The following SNRNP200 variants were observed in gnomAD, a reference collection of about 807,000 sequenced individuals.
SNRNP200 encodes the protein small nuclear ribonucleoprotein U5 subunit 200.
A neutral mutation model predicts 255.2 loss-of-function variants in SNRNP200; 66 were observed. The ratio of observed to expected loss-of-function variants is 0.26; its 90% CI spans 0.21 to 0.32. SNRNP200 has a LOEUF of 0.32. Ranked by LOEUF, SNRNP200 falls within the 10% of genes least tolerant of loss-of-function variation. The probability of loss-of-function intolerance (pLI) is 1.00; values close to 1 mark genes in which losing one functional copy is unlikely to be tolerated. For missense variants in SNRNP200, 1,585 were observed against 2,749.8 expected (o/e 0.58, Z 9.47); for synonymous variants, 939 against 1,027.8 (o/e 0.91, Z 1.65).
At chr2:96,305,366 G>A in intron 1 of SNRNP200, 27 bp downstream of exon 1, 4 of 1,614,048 alleles carry the variant, frequency 2.5e-6, no homozygotes, top group Non-Finnish European at 3.4e-6. Flanking sequence ...TCCTGAGCCT[G>A]GAATCCTTCC....
Position 96,279,905 on chromosome 2 carries a change from T to C in SNRNP200, c.5025-346A>G, listed in dbSNP as rs1479050534. The C allele has an allele frequency of 1.6e-5, 5 of 322,330 alleles. No homozygotes were observed. In the East Asian group the frequency reaches 2.5e-4, roughly 16 times the overall value. 20.0% of individuals were successfully genotyped at this position (322,330 alleles called of 1,614,324 possible). On this transcript the variant is annotated intron_variant, in intron 35 of 44. Coordinates refer to ENST00000323853, the MANE Select transcript of SNRNP200 (RefSeq NM_014014.5). ...CTCCTTTAATTAAAAAAAATTATTA[T>C]TGTTTTTATTTGTTTTTTGATACAG...
At position 96,286,758 on chromosome 2, in the gene SNRNP200, T is replaced by C. The variant is rs1330131126; in HGVS notation, c.3759A>G (p.Thr1253=). The C allele has an allele frequency of 3.1e-6, 5 of 1,614,158 alleles. No individual in the cohort carries two copies. The highest frequency in any genetic ancestry group is 2.2e-5 in the East Asian group (1 of 44,886). The change falls in exon 28 of 45, where the codon ACA becomes ACG. Residue 1253 remains threonine, a synonymous_variant. Transcript: ENST00000323853. This position sits in a 1 kb window ranked among gnomAD's most constrained non-coding sequence, Gnocchi z 4.8. Reference sequence around the variant, plus strand: ...GCGGTTCAAAGACAGGCACGAAGAATGTAATGAGGTGCTCGTCCTGGGCGT... The same window carrying C: ...GCGGTTCAAAGACAGGCACGAAGAACGTAATGAGGTGCTCGTCCTGGGCGT... ...AKYAQDEHLI[T]FFVPVFEPLP... is the part of the protein sequence containing the mutation.
At position 96,283,167 on chromosome 2, in the gene SNRNP200, C is replaced by G; in HGVS notation, c.4915+34G>C. 6.2e-7 allele frequency: 1 copy of G among 1,612,718 alleles called. No homozygotes were observed. Among genetic ancestry groups the G allele is most frequent in the Non-Finnish European group, 8.5e-7 (1 of 1,179,978 alleles). On this transcript the variant is annotated intron_variant, in intron 34 of 44. Coordinates refer to ENST00000323853, the MANE Select transcript of SNRNP200 (RefSeq NM_014014.5). The surrounding 1 kb of genome is among the most constrained non-coding windows in gnomAD (Gnocchi z 4.7). ...GTTTAACACCACCACTTGGTGATACCCTTGCTATGCTCCCCTTCCGTGGCC... is the reference window on the plus strand; with the variant it reads ...GTTTAACACCACCACTTGGTGATACGCTTGCTATGCTCCCCTTCCGTGGCC...
intron 9 of SNRNP200, among the ~76,000 whole-genome samples, 192 bp downstream of exon 9, chr2:96,298,089 TAGC>T: frequency 6.6e-6 from 1 of 152,366 alleles, no homozygotes; most frequent in East Asian, 1.9e-4. Context: ...TGGTGAAAGA[TAGC>T]AGCAGGTCAC....
chr2:96,289,160 A>G, intron 22 of SNRNP200, 43 bp from the exon 23 acceptor site: 1 of 1,613,804 alleles, frequency 6.2e-7, no homozygotes, highest in East Asian at 2.2e-5. Flanking sequence ...CTTGTGGCCG[A>G]GGAGGGACAC....
chr2:96,288,962 A>C, intron 23 of SNRNP200, 75 bp downstream of exon 23: 1 of 1,382,414 alleles, frequency 7.2e-7, no homozygotes, highest in Non-Finnish European at 1.0e-6. Context: ...ACCCAAATTC[A>C]AGGTTCATCT....
At chr2:96,285,500 G>A in intron 29 of SNRNP200, 160 bp from the exon 30 acceptor site, 1 of 759,158 alleles carries the variant, frequency 1.3e-6, no homozygotes, top group African/African-American at 1.7e-5. Flanking sequence ...TCTAACTCCA[G>A]GCCAGCCCTA....
At chr2:96,284,835 C>T (rs1414644789) in intron 30 of SNRNP200, 50 of 543,814 alleles carry the variant, frequency 9.2e-5, no homozygotes, top group Middle Eastern at 5.0e-4. Context: ...CTGCAACCTC[C>T]GCCTCCCGGG....
Position 96,295,347 on chromosome 2 carries a change from T to A in SNRNP200, c.1842+141A>T, listed in dbSNP as rs1415888037. The A allele has an allele frequency of 9.6e-6, 14 of 1,459,064 alleles. No homozygotes were observed. The East Asian group carries it at 3.2e-4, about 33-fold the overall frequency. 90.4% of individuals were successfully genotyped at this position (1,459,064 alleles called of 1,614,324 possible). ...TCTGTCATCGTGGAGAAGATGGATC[T>A]CATCCTACGGAATTGGAGGACTAGT... On this transcript the variant is annotated intron_variant, in intron 14 of 44. Coordinates refer to ENST00000323853, the MANE Select transcript of SNRNP200 (RefSeq NM_014014.5).
chr2:96,277,940 T>C lies in SNRNP200; in HGVS notation c.5621A>G (p.Lys1874Arg). ...AGGGTTATTCAGCTTGTGGGGGACC[T>C]TCTGAGCCAACTACAAAGTGGAAGA... is the stretch of plus-strand genomic sequence containing the variant. ...EDNLLRQLAQ[K>R]VPHKLNNPKF... Residue 1874 changes from lysine (K) to arginine (R), a missense_variant, in exon 40 of 45, where the codon AAG becomes AGG. Around this residue, in one of 9 missense-constraint regions of SNRNP200, gnomAD observed 279 missense variants for 551.2 expected, o/e 0.51. Transcript: ENST00000323853. The surrounding 1 kb of genome is among the most constrained non-coding windows in gnomAD (Gnocchi z 4.4). 1 of 1,614,210 alleles carries C rather than the reference T, an allele frequency of 6.2e-7. No homozygotes were observed. Among genetic ancestry groups the C allele is most frequent in the Non-Finnish European group, 8.5e-7 (1 of 1,180,040 alleles).
In SNRNP200 at chr2:96,290,636, G is replaced by A; in HGVS notation, c.2553+48C>T. ...AGCTTTCCAGCATCCCTGCATTTCA[G>A]GCAAGGATACTGATCCCTGCTGAGA... is the stretch of plus-strand genomic sequence containing the variant. On this transcript the variant is annotated intron_variant, in intron 19 of 44. Transcript: ENST00000323853. The surrounding 1 kb of genome is among the most constrained non-coding windows in gnomAD (Gnocchi z 4.5). The A allele has an allele frequency of 1.2e-6, 2 of 1,613,180 alleles. No individual in the cohort carries two copies. The highest frequency in any genetic ancestry group is 2.2e-5 in the East Asian group (1 of 44,886).
chr2:96,290,138 A>T lies in SNRNP200; in HGVS notation c.2743-142T>A. ...TTCTGAATGTTTTTAGCATTTCATT[A>T]TTAAAAAGATCTAAGCGTCTTCTAA... On this transcript the variant is annotated intron_variant, in intron 20 of 44. Transcript: ENST00000323853. This position sits in a 1 kb window ranked among gnomAD's most constrained non-coding sequence, Gnocchi z 4.5. The T allele has an allele frequency of 1.9e-6, 2 of 1,046,028 alleles. No individual in the cohort carries two copies. The highest frequency in any genetic ancestry group is 2.4e-5 in the East Asian group (1 of 41,304). 64.8% of individuals were successfully genotyped at this position (1,046,028 alleles called of 1,614,324 possible).
Position 96,301,676 on chromosome 2 carries a change from G to A in SNRNP200, c.422C>T (p.Ala141Val). ...ILCGAADEVLAVLKNEKLRDK... is the reference protein window; with the variant it reads ...ILCGAADEVLVVLKNEKLRDK... ...CCGCAGCTTTTCATTCTTTAGAACAGCTAGAACTTCATCAGCTGCCCCACA... is the reference window on the plus strand; with the variant it reads ...CCGCAGCTTTTCATTCTTTAGAACAACTAGAACTTCATCAGCTGCCCCACA... Residue 141 changes from alanine (A) to valine (V), a missense_variant, in exon 4 of 45, where the codon GCT becomes GTT. Ala to Val is a moderately conservative substitution (Grantham distance 64, BLOSUM62 0). Around this residue, in one of 9 missense-constraint regions of SNRNP200, gnomAD observed 383 missense variants for 645.3 expected, o/e 0.59. Coordinates refer to ENST00000323853, the MANE Select transcript of SNRNP200 (RefSeq NM_014014.5). 1 of 1,614,156 alleles carries A rather than the reference G, an allele frequency of 6.2e-7. No homozygotes were observed. The highest frequency in any genetic ancestry group is 8.5e-7 in the Non-Finnish European group (1 of 1,180,034).
Position 96,291,510 on chromosome 2 carries a change from A to C in SNRNP200, c.2311-8T>G. 6.4e-7 allele frequency: 1 copy of C among 1,572,912 alleles called. No individual in the cohort carries two copies. Among genetic ancestry groups the C allele is most frequent in the Non-Finnish European group, 8.8e-7 (1 of 1,142,370 alleles). On this transcript the variant is annotated splice_polypyrimidine_tract_variant and splice_region_variant and intron_variant, in intron 17 of 44. Transcript: ENST00000323853. The surrounding 1 kb of genome is among the most constrained non-coding windows in gnomAD (Gnocchi z 4.2). The stretch of plus-strand genomic sequence containing the variant: ...ATCCTTCAGCTCTAGGTTCTGTGGA[A>C]CAAAGAACCGGGGATGAGGCGAGCC...
intron 6 of SNRNP200, 124 bp from the exon 7 acceptor site, chr2:96,299,091 G>A (rs2063937108): frequency 7.8e-7 from 1 of 1,280,280 alleles, no homozygotes; most frequent in Admixed American, 1.9e-5. Context: ...ACTTTCCAGA[G>A]GAAAAAACTC....
chr2:96,283,381 A>C lies in SNRNP200; in HGVS notation c.4764-29T>G, dbSNP rs1250037173. The C allele has an allele frequency of 6.2e-7, 1 of 1,613,952 alleles. No homozygotes were observed. The highest frequency in any genetic ancestry group is 8.5e-7 in the Non-Finnish European group (1 of 1,180,026). On this transcript the variant is annotated intron_variant, in intron 33 of 44. Transcript: ENST00000323853. The surrounding 1 kb of genome is among the most constrained non-coding windows in gnomAD (Gnocchi z 4.7). Reference sequence around the variant, plus strand: ...TGCGGTACAGGCACTGGCTCAGCTCAGAGTAGTTCAATTCCTGGCAGACAC... The same window carrying C: ...TGCGGTACAGGCACTGGCTCAGCTCCGAGTAGTTCAATTCCTGGCAGACAC...
chr2:96,305,525 A>G lies in SNRNP200; in HGVS notation c.-88T>C, dbSNP rs2063982978. 1.3e-6 allele frequency: 2 copies of G among 1,577,948 alleles called. No individual in the cohort carries two copies. Among genetic ancestry groups the G allele is most frequent in the East Asian group, 4.5e-5 (2 of 44,672 alleles). On this transcript the variant is annotated 5_prime_UTR_variant, in exon 1 of 45. Transcript: ENST00000323853. Reference sequence around the variant, plus strand: ...CAGATCTCTGCTCCCGCCGCGCCGGAACGACGCAGGAAAGACGCACTGGGG... The same window carrying G: ...CAGATCTCTGCTCCCGCCGCGCCGGGACGACGCAGGAAAGACGCACTGGGG...
In SNRNP200 at chr2:96,297,553, C is replaced by T. The variant is rs1558770785; in HGVS notation, c.1204-17G>A. 1.2e-6 allele frequency: 2 copies of T among 1,614,006 alleles called. No individual in the cohort carries two copies. Among genetic ancestry groups the T allele is most frequent in the South Asian group, 2.2e-5 (2 of 91,082 alleles). ...AGCCAGTGCCTGGGAATGTGAAAGA[C>T]AAAAACACAAAGGAAGTAAGCAAGC... On this transcript the variant is annotated splice_polypyrimidine_tract_variant and intron_variant, in intron 10 of 44. Transcript: ENST00000323853.
intron 3 of SNRNP200, 67 bp from the exon 4 acceptor site, chr2:96,301,783 A>G: frequency 6.4e-7 from 1 of 1,568,542 alleles, no homozygotes; most frequent in South Asian, 1.1e-5. Flanking sequence ...AACCAGGTGT[A>G]TGTGGCGGCA....
Sources: gnomAD v4.1 joint callset for allele counts (sites outside exome capture counted in the v4.1 genomes callset) on GRCh38, gnomAD v4.1.1 for gene constraint, gnomAD v4.1.1 regional missense constraint, Gnocchi (gnomAD v3.1) non-coding constraint, MANE v1.5 for transcripts, NCBI Gene and HGNC (gene_info 2026-07-23, HGNC 2026-07-21) for gene names.